The following CSMD1 variants were observed in gnomAD, a reference collection of about 807,000 sequenced individuals.
CSMD1 encodes the protein CUB and sushi domain-containing protein 1.
A neutral mutation model predicts 417.5 loss-of-function variants in CSMD1; 213 were observed. The ratio of observed to expected loss-of-function variants is 0.51; its 90% confidence interval spans 0.46 to 0.57. The LOEUF (loss-of-function observed/expected upper bound fraction) is 0.57. Among genes scored for constraint, CSMD1 ranks in the 20% least tolerant of loss-of-function variants. The probability of loss-of-function intolerance (pLI) is 0.00; values close to 1 mark genes in which losing one functional copy is unlikely to be tolerated. For synonymous variants in CSMD1, 2,862 were observed against 1,736.8 expected, an observed-to-expected ratio of 1.65 and a Z score of -16.11; for missense variants, 6,923 against 4,529.7, an observed-to-expected ratio of 1.53 and a Z score of -15.17.
chr8:4,410,313 T>C (rs1796579969), intron 3 of CSMD1, among the ~76,000 whole-genome samples: 1 of 152,222 alleles, frequency 6.6e-6, no homozygotes, highest in African/African-American at 2.4e-5. Flanking sequence ...GAGCGCTTAG[T>C]CACCAGCACA....
chr8:4,445,381 A>C (rs1401298236), intron 2 of CSMD1, among the ~76,000 whole-genome samples: 1 of 152,222 alleles, frequency 6.6e-6, no homozygotes, highest in Non-Finnish European at 1.5e-5. Context: ...TGAGGAGCTC[A>C]ACAAATTCTA....
chr8:3,663,786 C>T (rs188805958), intron 7 of CSMD1, among the ~76,000 whole-genome samples: 15 of 152,284 alleles, frequency 9.9e-5, no homozygotes, highest in Non-Finnish European at 1.8e-4. Flanking sequence ...TGATTGATGT[C>T]TCATGTCTCC....
intron 1 of CSMD1, among the ~76,000 whole-genome samples, chr8:4,728,235 C>T (rs1283349037): frequency 6.7e-6 from 1 of 149,204 alleles, no homozygotes; most frequent in Non-Finnish European, 1.5e-5. Flanking sequence ...TGTGATCCTA[C>T]ACCTAATGAT....
chr8:3,900,467 G>A (rs893638878), intron 5 of CSMD1, among the ~76,000 whole-genome samples: 2 of 151,348 alleles, frequency 1.3e-5, no homozygotes, highest in African/African-American at 4.9e-5. Context: ...GTGCAGCTGG[G>A]TGACACTGTA....
intron 2 of CSMD1, among the ~76,000 whole-genome samples, chr8:4,435,245 T>C (rs560705293): frequency 6.6e-6 from 1 of 151,978 alleles, no homozygotes; most frequent in South Asian, 2.1e-4. Flanking sequence ...TTGAAAAAAA[T>C]GTATGTTTTA....
At chr8:3,616,322 T>C (rs1237936245) in intron 8 of CSMD1, among the ~76,000 whole-genome samples, 2 of 152,052 alleles carry the variant, frequency 1.3e-5, no homozygotes, top group African/African-American at 4.8e-5. Flanking sequence ...TAAGAGGATT[T>C]TCCTCCACTT....
chr8:4,263,774 A>G (rs1209741274), intron 3 of CSMD1, among the ~76,000 whole-genome samples: 9 of 152,154 alleles, frequency 5.9e-5, no homozygotes, highest in African/African-American at 1.9e-4. Flanking sequence ...AAAAATGAAA[A>G]TCTTTACTCC....
chr8:3,432,308 G>T (rs555322456), intron 12 of CSMD1, among the ~76,000 whole-genome samples: 1 of 151,854 alleles, frequency 6.6e-6, no homozygotes, highest in Non-Finnish European at 1.5e-5. Context: ...AAGATAGACG[G>T]TTAAAAGAAA....
At chr8:3,983,019 C>G (rs540493126) in intron 5 of CSMD1, among the ~76,000 whole-genome samples, 1 of 152,056 alleles carries the variant, frequency 6.6e-6, no homozygotes, top group Non-Finnish European at 1.5e-5. Context: ...GACAGCACAG[C>G]GGGATAAATC....
intron 21 of CSMD1, among the ~76,000 whole-genome samples, chr8:3,355,206 ATC>A (rs371353359): frequency 4.6e-5 from 7 of 152,128 alleles, no homozygotes; most frequent in African/African-American, 1.7e-4. Flanking sequence ...TTTTAAAAAA[ATC>A]TCTTACTAGA....
intron 1 of CSMD1, among the ~76,000 whole-genome samples, chr8:4,698,848 G>C (rs1348824125): frequency 6.6e-6 from 1 of 151,442 alleles, no homozygotes; most frequent in East Asian, 1.9e-4. Context: ...CTAACCAATA[G>C]GGTTACTTCA....
intron 3 of CSMD1, among the ~76,000 whole-genome samples, chr8:4,036,961 GTGTGT>G (rs1797651477): frequency 2.6e-4 from 3 of 11,658 alleles, no homozygotes; most frequent in East Asian, 1.1e-3. Context: ...TGTGGGGTGT[GTGTGT>G]GTGTGTGTGT....
chr8:3,863,091 C>T (rs1804830077), intron 5 of CSMD1, among the ~76,000 whole-genome samples: 1 of 152,142 alleles, frequency 6.6e-6, no homozygotes, highest in Middle Eastern at 3.4e-3. Flanking sequence ...AAGAGAGATC[C>T]CTCAAGCTTT....
intron 3 of CSMD1, among the ~76,000 whole-genome samples, chr8:4,077,305 A>G (rs75884009): frequency 9.2e-5 from 12 of 130,358 alleles, no homozygotes; most frequent in Non-Finnish European, 1.7e-4. Context: ...GTGTATATAT[A>G]TATATATATA....
At chr8:3,920,024 T>G (rs1009890590) in intron 5 of CSMD1, among the ~76,000 whole-genome samples, 2 of 151,198 alleles carry the variant, frequency 1.3e-5, no homozygotes, top group Non-Finnish European at 2.9e-5. Flanking sequence ...ACCAAATTTG[T>G]TTTTTACTTT....
intron 12 of CSMD1, among the ~76,000 whole-genome samples, chr8:3,467,069 G>A (rs1365730448): frequency 1.3e-5 from 2 of 152,022 alleles, no homozygotes; most frequent in South Asian, 2.1e-4. Context: ...GCCATCTCAG[G>A]GTGGCTACTG....
intron 3 of CSMD1, among the ~76,000 whole-genome samples, chr8:4,411,919 A>G (rs1039216387): frequency 2.6e-5 from 4 of 152,094 alleles, no homozygotes; most frequent in Non-Finnish European, 4.4e-5. Context: ...ACATAGGACT[A>G]AAAGGAATTA....
rs551286767 is a variant in CSMD1, at chr8:3,646,261, T to C, written c.1010-29464A>G. Reference sequence around the variant, plus strand: ...GAAAAAGAAACGTGATATGCTGAGATGTTAACTGTAATTTTTCTCAGTTGT... The same window carrying C: ...GAAAAAGAAACGTGATATGCTGAGACGTTAACTGTAATTTTTCTCAGTTGT... On this transcript the variant is annotated intron_variant, in intron 7 of 69. Transcript: ENST00000635120. Among the ~76,000 whole-genome samples, 18 of 152,294 alleles carry C rather than the reference T, an allele frequency of 1.2e-4. No homozygotes were observed. In the South Asian group the frequency reaches 3.1e-3, roughly 26 times the overall value.
intron 27 of CSMD1, among the ~76,000 whole-genome samples, chr8:3,227,913 A>G (rs1440259062): frequency 2.0e-5 from 3 of 151,894 alleles, no homozygotes; most frequent in African/African-American, 7.3e-5. Context: ...GATCACAGGC[A>G]TGCACCACCA....
Sources: allele counts gnomAD v4.1 joint callset (sites outside exome capture counted in the v4.1 genomes callset), GRCh38; gene constraint gnomAD v4.1.1; transcripts MANE v1.5; gene names NCBI Gene and HGNC (gene_info 2026-07-23, HGNC 2026-07-21).